CDKN2B-AS1: variants seen among roughly 807,000 people sequenced by gnomAD.
The protein encoded by CDKN2B-AS1 is CDKN2B antisense RNA 1 (non-protein coding).
At chr9:22,063,855 G>C (rs537473360) in intron 4 of CDKN2B-AS1, 21 of 152,554 alleles carry the variant, frequency 1.4e-4, no homozygotes, top group African/African-American at 5.0e-4. Flanking sequence ...CTGGGGAAGA[G>C]AGTGTGTTAT....
chr9:22,025,347 C>A (rs914152474), intron 1 of CDKN2B-AS1, among the ~76,000 whole-genome samples: 1 of 152,168 alleles, frequency 6.6e-6, no homozygotes, highest in Non-Finnish European at 1.5e-5. Flanking sequence ...GGATGAGACA[C>A]TTAGGGTCTT....
chr9:22,003,150 A>C (rs1188341394), intron 1 of CDKN2B-AS1: 1 of 217,380 alleles, frequency 4.6e-6, no homozygotes, highest in Non-Finnish European at 9.2e-6. Flanking sequence ...CTGCTGATGA[A>C]ACAGCTAAAC....
At chr9:22,011,705 A>T (rs1369926042) in intron 1 of CDKN2B-AS1, among the ~76,000 whole-genome samples, 1 of 152,264 alleles carries the variant, frequency 6.6e-6, no homozygotes, top group East Asian at 1.9e-4. Flanking sequence ...TTCAAAGATG[A>T]CATTTCACAT....
intron 4 of CDKN2B-AS1, among the ~76,000 whole-genome samples, chr9:22,083,743 T>G (rs1002379727): frequency 3.3e-5 from 5 of 152,060 alleles, no homozygotes; most frequent in African/African-American, 1.2e-4. Flanking sequence ...TCAGTGAAGT[T>G]TTTGGAGGGT....
intron 4 of CDKN2B-AS1, among the ~76,000 whole-genome samples, chr9:22,093,192 T>G (rs1825156715): frequency 6.8e-6 from 1 of 146,956 alleles, no homozygotes; most frequent in Non-Finnish European, 1.5e-5. Flanking sequence ...AGACAGTTTG[T>G]TATAATTTCT....
intron 4 of CDKN2B-AS1, among the ~76,000 whole-genome samples, chr9:22,122,898 TA>T (rs1284087736): frequency 6.6e-6 from 1 of 152,164 alleles, no homozygotes; most frequent in East Asian, 1.9e-4. Context: ...TGGTTCCATA[TA>T]AATTTTAGAA....
At chr9:22,059,924 A>G (rs1012752686) in intron 4 of CDKN2B-AS1, among the ~76,000 whole-genome samples, 23 of 152,320 alleles carry the variant, frequency 1.5e-4, no homozygotes, top group African/African-American at 5.5e-4. Flanking sequence ...TCTTTCAGCC[A>G]CAGCTGGAGC....
intron 4 of CDKN2B-AS1, among the ~76,000 whole-genome samples, chr9:22,097,516 T>C (rs930701816): frequency 6.6e-6 from 1 of 152,180 alleles, no homozygotes; most frequent in Admixed American, 6.5e-5. Flanking sequence ...ATTAACAAAG[T>C]TGAAAGAATA....
chr9:22,028,941 A>G (rs185755968), intron 1 of CDKN2B-AS1, among the ~76,000 whole-genome samples: 4 of 152,302 alleles, frequency 2.6e-5, no homozygotes, highest in African/African-American at 9.6e-5. Flanking sequence ...TGATTATGGT[A>G]TAATACAATT....
At chr9:22,116,775 T>G (rs548153963) in intron 4 of CDKN2B-AS1, among the ~76,000 whole-genome samples, 1 of 152,320 alleles carries the variant, frequency 6.6e-6, no homozygotes, top group African/African-American at 2.4e-5. Context: ...GGAAAGACAT[T>G]TGGTTACCAT....
chr9:22,100,097 G>A (rs1204183594), intron 4 of CDKN2B-AS1, among the ~76,000 whole-genome samples: 5 of 152,096 alleles, frequency 3.3e-5, no homozygotes, highest in African/African-American at 1.2e-4. Context: ...AAAGGCGATA[G>A]TATTTTATTG....
In CDKN2B-AS1 at chr9:22,039,745, T is replaced by C. The variant is rs1219949128; in HGVS notation, n.30-7006T>C. ...CTCCTAAATAAACTTTGCCAAATCT[T>C]CAGGCCCTCAAAATTTTTTCATTCC... On this transcript the variant is annotated intron_variant and non_coding_transcript_variant, in intron 1 of 4. Transcript: ENST00000650946. This position sits in a 1 kb window ranked among gnomAD's most constrained non-coding sequence, Gnocchi z 4.4. Among the ~76,000 whole-genome samples, 2 of 152,028 alleles carry C rather than the reference T, an allele frequency of 1.3e-5. No individual in the cohort carries two copies. Among genetic ancestry groups the C allele is most frequent in the Admixed American group, 1.3e-4 (2 of 15,234 alleles).
rs774953697 is a variant in CDKN2B-AS1 at position 22,001,195 on chromosome 9, G to C, written n.29+6034G>C. Reference sequence around the variant, plus strand: ...AGAGGATAGATAGATTATGCATTTGGGGAGGAGGCCAAATATGAGAAATAA... The same window carrying C: ...AGAGGATAGATAGATTATGCATTTGCGGAGGAGGCCAAATATGAGAAATAA... On this transcript the variant is annotated intron_variant and non_coding_transcript_variant, in intron 1 of 4. Transcript: ENST00000650946. The surrounding 1 kb of genome is among the most constrained non-coding windows in gnomAD (Gnocchi z 4.2). Among the ~76,000 whole-genome samples, 6 of 152,084 alleles carry C rather than the reference G, an allele frequency of 3.9e-5. No individual in the cohort carries two copies. Among genetic ancestry groups the C allele is most frequent in the Non-Finnish European group, 8.8e-5 (6 of 67,978 alleles).
intron 1 of CDKN2B-AS1, chr9:22,029,727 C>G: frequency 2.4e-6 from 1 of 416,294 alleles, no homozygotes; most frequent in Non-Finnish European, 4.2e-6. Context: ...CAAATATTTT[C>G]TTATAACTTT....
At chr9:22,027,103 C>T (rs545505719) in intron 1 of CDKN2B-AS1, among the ~76,000 whole-genome samples, 1 of 151,550 alleles carries the variant, frequency 6.6e-6, no homozygotes, top group Non-Finnish European at 1.5e-5. Flanking sequence ...CCTTTCTTTC[C>T]GCCCTGTGAG....
chr9:22,011,060 C>T (rs190679492), intron 1 of CDKN2B-AS1, among the ~76,000 whole-genome samples: 9 of 152,300 alleles, frequency 5.9e-5, no homozygotes, highest in African/African-American at 2.2e-4. Context: ...TGAAAAACAA[C>T]TTTGGGTAGG....
chr9:22,025,240 T>C (rs1822182868), intron 1 of CDKN2B-AS1, among the ~76,000 whole-genome samples: 1 of 152,118 alleles, frequency 6.6e-6, no homozygotes, highest in Non-Finnish European at 1.5e-5. Flanking sequence ...AGCCAGGGGC[T>C]CTCTGTCTGG....
At chr9:22,120,105 T>G (rs1826060219) in intron 4 of CDKN2B-AS1, 1 of 152,240 alleles carries the variant, frequency 6.6e-6, no homozygotes, top group Non-Finnish European at 1.5e-5. Context: ...TTCAATGAGT[T>G]GTAACGATTG....
At chr9:22,009,556 G>A (rs1011941535) in intron 1 of CDKN2B-AS1, among the ~76,000 whole-genome samples, 2 of 152,258 alleles carry the variant, frequency 1.3e-5, no homozygotes, top group Non-Finnish European at 2.9e-5. Context: ...AATATTTTGG[G>A]AATGTTCACC....
Sources: allele counts gnomAD v4.1 joint callset (sites outside exome capture counted in the v4.1 genomes callset), GRCh38; gene constraint gnomAD v4.1.1; non-coding constraint Gnocchi (gnomAD v3.1); transcripts MANE v1.5; gene names NCBI Gene and HGNC (gene_info 2026-07-23, HGNC 2026-07-21).